The following CNTN5 variants were observed in gnomAD, a reference collection of about 807,000 sequenced individuals.
CNTN5 encodes contactin 5.
Under a neutral mutation model 129.1 loss-of-function variants are expected in CNTN5, and 77 were observed. The observed-to-expected ratio is 0.60, with a 90% CI of 0.50 to 0.72. The LOEUF (loss-of-function observed/expected upper bound fraction) is 0.72. Among genes scored for constraint, CNTN5 ranks in the 30% least tolerant of loss-of-function variants. The probability of loss-of-function intolerance (pLI) is 0.00; values close to 1 mark genes in which losing one functional copy is unlikely to be tolerated. For synonymous variants in CNTN5, 509 were observed against 465.6 expected, an observed-to-expected ratio of 1.09 and a Z score of -1.20; for missense variants, 1,478 against 1,328.8, an observed-to-expected ratio of 1.11 and a Z score of -1.75.
intron 13 of CNTN5, among the ~76,000 whole-genome samples, chr11:100,107,727 TG>T: frequency 6.6e-6 from 1 of 152,178 alleles, no homozygotes; most frequent in South Asian, 2.1e-4. Context: ...TAAATTGTTA[TG>T]AAAAATTTAT....
intron 6 of CNTN5, among the ~76,000 whole-genome samples, chr11:99,879,348 T>C (rs866983726): frequency 2.4e-4 from 37 of 152,166 alleles, no homozygotes; most frequent in African/African-American, 8.9e-4. Context: ...CAAAACTGCA[T>C]GAAAGCTTCT....
intron 1 of CNTN5, among the ~76,000 whole-genome samples, chr11:99,068,530 C>G (rs1170335559): frequency 6.6e-6 from 1 of 152,090 alleles, no homozygotes; most frequent in Non-Finnish European, 1.5e-5. Flanking sequence ...TAATACCATG[C>G]CTTGAGCAAA....
chr11:99,707,837 TA>T (rs1954818738), intron 3 of CNTN5, among the ~76,000 whole-genome samples: 1 of 151,604 alleles, frequency 6.6e-6, no homozygotes, highest in African/African-American at 2.4e-5. Context: ...ATATCTAATA[TA>T]AAATAATATT....
intron 1 of CNTN5, among the ~76,000 whole-genome samples, chr11:99,093,640 A>G (rs1012755619): frequency 1.3e-5 from 2 of 152,096 alleles, no homozygotes; most frequent in African/African-American, 4.8e-5. Context: ...AGGAGCAGAA[A>G]GGCAATGTCA....
intron 21 of CNTN5, among the ~76,000 whole-genome samples, chr11:100,321,477 T>G (rs941249328): frequency 6.6e-6 from 1 of 152,180 alleles, no homozygotes; most frequent in African/African-American, 2.4e-5. Flanking sequence ...GTTTCCTATA[T>G]GTTAGATTAT....
chr11:99,086,104 C>A (rs1865995475), intron 1 of CNTN5, among the ~76,000 whole-genome samples: 1 of 152,206 alleles, frequency 6.6e-6, no homozygotes, highest in South Asian at 2.1e-4. Context: ...TTATACTTTG[C>A]ACATTTTTAT....
chr11:100,197,911 G>A (rs759860308), intron 15 of CNTN5, among the ~76,000 whole-genome samples: 8 of 151,812 alleles, frequency 5.3e-5, no homozygotes, highest in Non-Finnish European at 1.2e-4. Context: ...TAGCTGTATG[G>A]TCCTTCACAT....
intron 7 of CNTN5, among the ~76,000 whole-genome samples, chr11:99,950,561 C>A (rs1380898873): frequency 6.6e-6 from 1 of 152,212 alleles, no homozygotes; most frequent in African/African-American, 2.4e-5. Flanking sequence ...TCTATTGTAA[C>A]TTTCAGGATC....
intron 20 of CNTN5, 118 bp downstream of exon 20, chr11:100,299,514 T>A: frequency 1.7e-6 from 1 of 599,778 alleles, no homozygotes; most frequent in Non-Finnish European, 2.6e-6. Flanking sequence ...TCATTCATAA[T>A]CTCACTAAAC....
chr11:99,624,682 G>A (rs1469108347), intron 3 of CNTN5, among the ~76,000 whole-genome samples: 3 of 152,116 alleles, frequency 2.0e-5, no homozygotes, highest in Middle Eastern at 3.2e-3. Flanking sequence ...GCATAACATG[G>A]TGAAATCCAT....
rs141304289 is a variant in CNTN5, at chr11:99,743,755, A to T, written c.56-75789A>T. Reference sequence around the variant, plus strand: ...GCCCATTGTAAAATCATAAATGTAAATAACTCCCTAATGATAAAGGCAAGT... The same window carrying T: ...GCCCATTGTAAAATCATAAATGTAATTAACTCCCTAATGATAAAGGCAAGT... On this transcript the variant is annotated intron_variant, in intron 3 of 24. Transcript: ENST00000524871. Among the ~76,000 whole-genome samples the T allele has an allele frequency of 3.9e-5, 6 of 152,280 alleles. No individual in the cohort carries two copies. The East Asian group carries it at 1.2e-3, about 29-fold the overall frequency.
chr11:99,099,073 G>C (rs2135343411), intron 1 of CNTN5, among the ~76,000 whole-genome samples: 1 of 152,132 alleles, frequency 6.6e-6, no homozygotes, highest in East Asian at 1.9e-4. Flanking sequence ...ATTTTGCATG[G>C]GCCAGCTGTG....
At chr11:99,643,088 GA>G (rs2135849532) in intron 3 of CNTN5, among the ~76,000 whole-genome samples, 1 of 152,200 alleles carries the variant, frequency 6.6e-6, no homozygotes, top group East Asian at 1.9e-4. Flanking sequence ...GTGGAACACT[GA>G]TTTTATTTCC....
chr11:99,966,456 A>G (rs573486058), intron 8 of CNTN5, among the ~76,000 whole-genome samples: 1 of 152,298 alleles, frequency 6.6e-6, no homozygotes, highest in South Asian at 2.1e-4. Flanking sequence ...GCTTGAGCCC[A>G]CAGGACCAGA....
At chr11:100,305,971 A>G (rs1951339005) in intron 20 of CNTN5, among the ~76,000 whole-genome samples, 1 of 151,414 alleles carries the variant, frequency 6.6e-6, no homozygotes, top group Non-Finnish European at 1.5e-5. Flanking sequence ...AAAATTACAA[A>G]AAAAATCTCG....
At chr11:99,864,049 C>T (rs1306621908) in intron 6 of CNTN5, among the ~76,000 whole-genome samples, 2 of 152,004 alleles carry the variant, frequency 1.3e-5, no homozygotes, top group East Asian at 1.9e-4. Context: ...GTCTGGGATC[C>T]GGACTTCGCT....
chr11:99,552,964 GT>G (rs1227412224), intron 2 of CNTN5, among the ~76,000 whole-genome samples: 1 of 152,152 alleles, frequency 6.6e-6, no homozygotes, highest in African/African-American at 2.4e-5. Flanking sequence ...CTATTAAGGT[GT>G]AATGCTTTAA....
intron 1 of CNTN5, among the ~76,000 whole-genome samples, chr11:99,171,425 T>C (rs935098227): frequency 6.6e-6 from 1 of 152,240 alleles, no homozygotes; most frequent in African/African-American, 2.4e-5. Flanking sequence ...CATCTGATCA[T>C]TCAGTTCCTC....
At chr11:99,859,755 G>T (rs1948150504) in intron 6 of CNTN5, among the ~76,000 whole-genome samples, 1 of 152,066 alleles carries the variant, frequency 6.6e-6, no homozygotes, top group African/African-American at 2.4e-5. Context: ...ACTGTTGATG[G>T]GCACCTAGGT....
Sources: allele counts gnomAD v4.1 joint callset (sites outside exome capture counted in the v4.1 genomes callset), GRCh38; gene constraint gnomAD v4.1.1; transcripts MANE v1.5; gene names NCBI Gene and HGNC (gene_info 2026-07-23, HGNC 2026-07-21).